Variants in PELI2 observed in about 807,000 individuals in gnomAD.
PELI2 encodes the protein E3 ubiquitin-protein ligase pellino homolog 2.
PELI2 carries 23 observed loss-of-function variants against 42.3 expected under a neutral mutation model. The ratio of observed to expected loss-of-function variants is 0.54; its 90% CI spans 0.39 to 0.77. PELI2 has a LOEUF of 0.77. PELI2 is among the 30% of genes least tolerant of loss of function. The probability of loss-of-function intolerance (pLI) is 0.00; values close to 1 mark genes in which losing one functional copy is unlikely to be tolerated. For synonymous variants in PELI2, 245 were observed against 212.2 expected (o/e 1.15, Z -1.34); for missense variants, 463 against 553.2 (o/e 0.84, Z 1.64).
At chr14:56,168,123 G>T (rs1333586607) in intron 1 of PELI2, among the ~76,000 whole-genome samples, 1 of 152,210 alleles carries the variant, frequency 6.6e-6, no homozygotes, top group Admixed American at 6.5e-5. Flanking sequence ...CAGACCTGGA[G>T]CCAGCACAGC....
At chr14:56,213,365 TC>T (rs1237332781) in intron 2 of PELI2, among the ~76,000 whole-genome samples, 1 of 152,188 alleles carries the variant, frequency 6.6e-6, no homozygotes, top group Non-Finnish European at 1.5e-5. Flanking sequence ...CAGAAGGAGA[TC>T]CAGAAGGGAA....
chr14:56,284,005 A>C (rs907950905), intron 3 of PELI2, among the ~76,000 whole-genome samples: 8 of 152,224 alleles, frequency 5.3e-5, no homozygotes, highest in African/African-American at 1.7e-4. Flanking sequence ...ATAGTTCTGA[A>C]GTATGGACCT....
chr14:56,209,525 GT>G (rs1308617473), intron 2 of PELI2, among the ~76,000 whole-genome samples: 2 of 136,548 alleles, frequency 1.5e-5, no homozygotes, highest in Non-Finnish European at 3.3e-5. Flanking sequence ...TGGAAAATAG[GT>G]TTTTTTAATA....
At chr14:56,228,192 A>G (rs2139763481) in intron 2 of PELI2, among the ~76,000 whole-genome samples, 1 of 152,350 alleles carries the variant, frequency 6.6e-6, no homozygotes, top group East Asian at 1.9e-4. Context: ...TTTCATTTCA[A>G]ATGGATATTA....
intron 2 of PELI2, among the ~76,000 whole-genome samples, chr14:56,182,188 C>G (rs1885611262): frequency 6.6e-6 from 1 of 151,912 alleles, no homozygotes; most frequent in African/African-American, 2.4e-5. Context: ...GGTGCGAGAG[C>G]TGTGAGCTGG....
At chr14:56,254,799 A>G (rs930212475) in intron 2 of PELI2, among the ~76,000 whole-genome samples, 13 of 152,140 alleles carry the variant, frequency 8.5e-5, no homozygotes, top group African/African-American at 2.2e-4. Context: ...TTACAAGAAA[A>G]AAACAACCCT....
At chr14:56,266,832 T>G (rs769513995) in intron 2 of PELI2, among the ~76,000 whole-genome samples, 2 of 152,016 alleles carry the variant, frequency 1.3e-5, no homozygotes, top group East Asian at 3.9e-4. Flanking sequence ...TTTAAATAAT[T>G]TAATGCCTGC....
At chr14:56,167,334 G>T (rs1884999314) in intron 1 of PELI2, among the ~76,000 whole-genome samples, 1 of 152,040 alleles carries the variant, frequency 6.6e-6, no homozygotes, top group African/African-American at 2.4e-5. Context: ...CTATTTCCAA[G>T]ATCTTGTAGG....
intron 2 of PELI2, among the ~76,000 whole-genome samples, chr14:56,181,067 T>A (rs1885560593): frequency 6.6e-6 from 1 of 152,190 alleles, no homozygotes; most frequent in African/African-American, 2.4e-5. Flanking sequence ...CTCTTTCAGT[T>A]TCTTTGCCAC....
intron 1 of PELI2, among the ~76,000 whole-genome samples, chr14:56,132,604 G>A (rs756660356): frequency 3.3e-5 from 5 of 152,106 alleles, no homozygotes; most frequent in Non-Finnish European, 5.9e-5. Flanking sequence ...GGGTCAGAGG[G>A]TGCCTGCCCC....
At chr14:56,291,729 C>T (rs1229150298) in intron 5 of PELI2, among the ~76,000 whole-genome samples, 2 of 152,172 alleles carry the variant, frequency 1.3e-5, no homozygotes, top group South Asian at 2.1e-4. Flanking sequence ...GCAGACTCTG[C>T]GTTAACATTT....
intron 2 of PELI2, among the ~76,000 whole-genome samples, chr14:56,241,150 G>C (rs1887961305): frequency 6.6e-6 from 1 of 152,120 alleles, no homozygotes; most frequent in Non-Finnish European, 1.5e-5. Context: ...AGACCTTACA[G>C]ATAGCAAAGG....
intron 1 of PELI2, among the ~76,000 whole-genome samples, chr14:56,166,759 A>C (rs1383287457): frequency 6.7e-6 from 1 of 149,432 alleles, no homozygotes; most frequent in Non-Finnish European, 1.5e-5. Flanking sequence ...ATTGTATGTG[A>C]TTTGTTTGTT....
At chr14:56,243,247 C>T (rs1237241655) in intron 2 of PELI2, among the ~76,000 whole-genome samples, 6 of 152,150 alleles carry the variant, frequency 3.9e-5, no homozygotes, top group African/African-American at 1.4e-4. Context: ...ATATAAGATG[C>T]AGAATGGCAG....
chr14:56,200,754 G>T (rs771442910), intron 2 of PELI2, among the ~76,000 whole-genome samples: 11 of 152,176 alleles, frequency 7.2e-5, no homozygotes, highest in Non-Finnish European at 1.2e-4. Flanking sequence ...TAAAGTTCCT[G>T]TTAGACTGTT....
At chr14:56,127,370 G>A (rs1244945562) in intron 1 of PELI2, among the ~76,000 whole-genome samples, 1 of 152,178 alleles carries the variant, frequency 6.6e-6, no homozygotes, top group Non-Finnish European at 1.5e-5. Context: ...ACAGGATGGT[G>A]GAAGGACCAG....
chr14:56,186,741 G>A (rs1405636715), intron 2 of PELI2, among the ~76,000 whole-genome samples: 2 of 152,104 alleles, frequency 1.3e-5, no homozygotes, highest in Non-Finnish European at 2.9e-5. Context: ...GTAATTATCT[G>A]CATTACTGAT....
intron 2 of PELI2, among the ~76,000 whole-genome samples, chr14:56,221,501 T>C (rs1827434868): frequency 6.6e-6 from 1 of 152,240 alleles, no homozygotes; most frequent in Admixed American, 6.5e-5. Context: ...AGAAGACTTG[T>C]ATTTGCCAGA....
intron 2 of PELI2, among the ~76,000 whole-genome samples, chr14:56,244,418 G>A (rs564537274): frequency 2.0e-4 from 30 of 152,274 alleles, no homozygotes; most frequent in Admixed American, 1.6e-3. Flanking sequence ...CTTAGAATAT[G>A]TGTAACACAC....
Sources: gnomAD v4.1 joint callset for allele counts (sites outside exome capture counted in the v4.1 genomes callset) on GRCh38, gnomAD v4.1.1 for gene constraint, MANE v1.5 for transcripts, NCBI Gene and HGNC (gene_info 2026-07-23, HGNC 2026-07-21) for gene names.